FLT1: variants seen among roughly 807,000 people sequenced by gnomAD.
FLT1 encodes the protein fms related receptor tyrosine kinase 1, also known as vascular endothelial growth factor receptor 1.
FLT1 carries 49 observed loss-of-function variants against 156.3 expected under a neutral mutation model. That is an observed-to-expected ratio of 0.31 (90% CI 0.25 to 0.40). FLT1 has a LOEUF of 0.40. FLT1 is among the 10% of genes least tolerant of loss of function. The pLI, the probability that FLT1 is intolerant of heterozygous loss-of-function variation, is 1.00. For synonymous variants in FLT1, 594 were observed against 583.8 expected, an observed-to-expected ratio of 1.02 and a Z score of -0.25; for missense variants, 1,322 against 1,637.2, an observed-to-expected ratio of 0.81 and a Z score of 3.32.
At chr13:28,312,173 G>A in intron 25 of FLT1, 75 bp from the exon 26 acceptor site, 1 of 915,676 alleles carries the variant, frequency 1.1e-6, no homozygotes, top group Non-Finnish European at 1.8e-6. Flanking sequence ...TACTACAAAG[G>A]GAGGGCTGTC....
chr13:28,323,879 C>T (rs1490122300), intron 20 of FLT1, among the ~76,000 whole-genome samples: 2 of 152,068 alleles, frequency 1.3e-5, no homozygotes, highest in African/African-American at 2.4e-5. Flanking sequence ...GGAACATGGA[C>T]ATTGCTTTTT....
At chr13:28,355,239 G>T (rs1264191637) in intron 15 of FLT1, among the ~76,000 whole-genome samples, 6 of 152,180 alleles carry the variant, frequency 3.9e-5, no homozygotes, top group Non-Finnish European at 8.8e-5. Context: ...TGTTTAACTT[G>T]AGTTTCCATC....
intron 8 of FLT1, among the ~76,000 whole-genome samples, chr13:28,428,978 T>A (rs1353874834): frequency 6.6e-6 from 1 of 152,206 alleles, no homozygotes; most frequent in Non-Finnish European, 1.5e-5. Flanking sequence ...GGATTGAATT[T>A]TTTTTTAATG....
At chr13:28,420,557 A>G (rs1356157258) in intron 10 of FLT1, among the ~76,000 whole-genome samples, 1 of 152,246 alleles carries the variant, frequency 6.6e-6, no homozygotes, top group Non-Finnish European at 1.5e-5. Flanking sequence ...GAGGTCTTAA[A>G]TTATAGCTTC....
At chr13:28,388,123 A>G in intron 13 of FLT1, 1 of 1,057,630 alleles carries the variant, frequency 9.5e-7, no homozygotes, top group African/African-American at 1.6e-5. Context: ...ATAATGAACA[A>G]AGAAGCCAGG....
Position 28,352,455 on chromosome 13 carries a change from C to T in FLT1, c.2248+5099G>A, listed in dbSNP as rs142823847. On this transcript the variant is annotated intron_variant, in intron 15 of 29. Coordinates refer to ENST00000282397, the MANE Select transcript of FLT1 (RefSeq NM_002019.4). ...TATGATACCCAATGCAGTTTTATGC[C>T]AGCCTAGTTTCTACGGAAGGAATTA... Among the ~76,000 whole-genome samples the T allele has an allele frequency of 2.4e-4, 36 of 152,326 alleles. No individual in the cohort carries two copies. The East Asian group carries it at 5.4e-3, about 23-fold the overall frequency.
In FLT1 at chr13:28,389,941, T is replaced by G. The variant is rs746809188; in HGVS notation, c.1824A>C (p.Lys608Asn). The G allele has an allele frequency of 9.3e-6, 15 of 1,614,032 alleles. No homozygotes were observed. The highest frequency in any genetic ancestry group is 1.3e-5 in the Non-Finnish European group (15 of 1,180,038). ...TGGAGTGCTCCTTAGTGATGGCCAT[T>G]TTTTGCTTGCTAATACTGTAGTGCA... ...RTMHYSISKQKMAITKEHSIT... is the reference protein window; with the variant it reads ...RTMHYSISKQNMAITKEHSIT... Residue 608 changes from lysine (K) to asparagine (N), a missense_variant, in exon 13 of 30, where the codon AAA becomes AAC. This residue lies in a region of FLT1 where 991 missense variants were observed against 1,254.8 expected (regional missense o/e 0.79). Coordinates refer to ENST00000282397, the MANE Select transcript of FLT1 (RefSeq NM_002019.4).
rs1879902508 is a variant in FLT1, at chr13:28,467,270, T to C, written c.162-141A>G. 3 of 755,338 alleles carry C rather than the reference T, an allele frequency of 4.0e-6. No individual in the cohort carries two copies. The African/African-American group carries it at 5.2e-5, about 13-fold the overall frequency. 46.8% of individuals were successfully genotyped at this position (755,338 alleles called of 1,614,324 possible). On this transcript the variant is annotated intron_variant, in intron 2 of 29. Coordinates refer to ENST00000282397, the MANE Select transcript of FLT1 (RefSeq NM_002019.4). ...TTCCTCTTTACGGGAAAGCAACACA[T>C]TCAGAAAAGCTGTAGAACAATACTC...
chr13:28,447,135 TA>T (rs1327033134), intron 3 of FLT1, among the ~76,000 whole-genome samples: 1 of 114,148 alleles, frequency 8.8e-6, no homozygotes, highest in Non-Finnish European at 1.9e-5. Flanking sequence ...CTGCTAACTA[TA>T]AAAAATATAT....
At chr13:28,483,282 T>G (rs1880963826) in intron 1 of FLT1, among the ~76,000 whole-genome samples, 1 of 152,242 alleles carries the variant, frequency 6.6e-6, no homozygotes, top group Non-Finnish European at 1.5e-5. Flanking sequence ...CTCTCTAGCA[T>G]ATCCCTGCCT....
At chr13:28,459,673 C>G (rs1043738749) in intron 3 of FLT1, among the ~76,000 whole-genome samples, 7 of 152,186 alleles carry the variant, frequency 4.6e-5, no homozygotes, top group Admixed American at 1.3e-4. Flanking sequence ...TTATTTTGGG[C>G]GCTTTCTTGT....
intron 1 of FLT1, among the ~76,000 whole-genome samples, chr13:28,489,680 T>C (rs951769567): frequency 6.6e-6 from 1 of 152,118 alleles, no homozygotes; most frequent in Non-Finnish European, 1.5e-5. Flanking sequence ...AAGGCGCCTC[T>C]GAAGAAGGGG....
intron 10 of FLT1, among the ~76,000 whole-genome samples, chr13:28,423,963 T>A (rs1371508527): frequency 6.6e-6 from 1 of 152,224 alleles, no homozygotes; most frequent in Non-Finnish European, 1.5e-5. Flanking sequence ...TTTTCTTTTT[T>A]TTCTGAAGCG....
chr13:28,367,934 G>C (rs1332561066), intron 14 of FLT1, among the ~76,000 whole-genome samples: 1 of 152,162 alleles, frequency 6.6e-6, no homozygotes, highest in Non-Finnish European at 1.5e-5. Flanking sequence ...GTCATCAGAA[G>C]TGCTAATTTT....
At chr13:28,407,825 T>C (rs951639483) in intron 10 of FLT1, among the ~76,000 whole-genome samples, 1 of 152,230 alleles carries the variant, frequency 6.6e-6, no homozygotes, top group Non-Finnish European at 1.5e-5. Context: ...TACTTTCTCC[T>C]TTATTAGAAA....
intron 1 of FLT1, among the ~76,000 whole-genome samples, chr13:28,490,513 C>A (rs1021229450): frequency 6.6e-6 from 1 of 152,160 alleles, no homozygotes; most frequent in African/African-American, 2.4e-5. Context: ...TTTCCTTCCC[C>A]TCCCTCAATC....
chr13:28,362,295 C>T (rs1873140339), intron 14 of FLT1, among the ~76,000 whole-genome samples: 1 of 152,186 alleles, frequency 6.6e-6, no homozygotes, highest in Non-Finnish European at 1.5e-5. Flanking sequence ...CCTGCTCCAC[C>T]TATTTCATGA....
At chr13:28,389,095 A>T (rs1874543416) in intron 13 of FLT1, 3 of 1,063,896 alleles carry the variant, frequency 2.8e-6, no homozygotes, top group Non-Finnish European at 3.4e-6. Flanking sequence ...AACATCTTGC[A>T]CCCCTGGGGC....
At chr13:28,394,318 T>C (rs1874913488) in intron 12 of FLT1, among the ~76,000 whole-genome samples, 1 of 152,212 alleles carries the variant, frequency 6.6e-6, no homozygotes, top group African/African-American at 2.4e-5. Context: ...AAAAGAACTG[T>C]GAGCTTCAAG....
Sources: allele counts gnomAD v4.1 joint callset (sites outside exome capture counted in the v4.1 genomes callset), GRCh38; gene constraint gnomAD v4.1.1; regional missense constraint gnomAD v4.1.1; transcripts MANE v1.5; gene names NCBI Gene and HGNC (gene_info 2026-07-23, HGNC 2026-07-21).